PPFIBP2: variants seen among roughly 807,000 people sequenced by gnomAD.
PPFIBP2 encodes liprin-beta-2.
In PPFIBP2, 118 loss-of-function variants were observed where a neutral mutation model predicts 118.3. The ratio of observed to expected loss-of-function variants is 1.00; its 90% CI spans 0.86 to 1.16. The LOEUF (loss-of-function observed/expected upper bound fraction) is 1.16, where lower values mean the gene tolerates loss of function less well. Among genes scored for constraint, PPFIBP2 ranks in the 50% most tolerant of loss-of-function variants. PPFIBP2 has a pLI of 0.00. For synonymous variants in PPFIBP2, 414 were observed against 397.4 expected (o/e 1.04, Z -0.50); for missense variants, 1,195 against 1,073.1 (o/e 1.11, Z -1.59).
At chr11:7,551,362 A>G (rs1852974161) in intron 2 of PPFIBP2, among the ~76,000 whole-genome samples, 1 of 152,112 alleles carries the variant, frequency 6.6e-6, no homozygotes, top group Non-Finnish European at 1.5e-5. Context: ...TGAAAATACT[A>G]TCTTTTCTCT....
At position 7,616,148 on chromosome 11, in the gene PPFIBP2, G is replaced by GCA. The variant is rs1848617573; in HGVS notation, c.619-4780_619-4779dup. 6.6e-6 allele frequency among the ~76,000 whole-genome samples: 1 copy of GCA among 151,652 alleles called. No homozygotes were observed. The highest frequency in any genetic ancestry group is 1.5e-5 in the Non-Finnish European group (1 of 67,944). ...CAAAGCCATACACACACATACACAC[G>GCA]CACACACAAACACCCACACACAGTT... On this transcript the variant is annotated intron_variant, in intron 6 of 23. Transcript: ENST00000299492. This position sits in a 1 kb window ranked among gnomAD's most constrained non-coding sequence, Gnocchi z 5.2.
At chr11:7,641,098 G>A in intron 15 of PPFIBP2, 5 of 1,251,594 alleles carry the variant, frequency 4.0e-6, no homozygotes, top group South Asian at 2.5e-5. Context: ...GGTGGAGAGT[G>A]AGAATGCCTT....
At chr11:7,606,886 ATTTTTTTTTTTTTTTTTTTT>A (rs529585905) in intron 5 of PPFIBP2, among the ~76,000 whole-genome samples, 28 of 51,440 alleles carry the variant, frequency 5.4e-4, no homozygotes, top group East Asian at 1.8e-3. Flanking sequence ...AACTGCATGA[ATTTTTTTTTTTTTTTTTTTT>A]TTTTTTTTTT....
At chr11:7,569,171 AG>A (rs1855368299) in intron 3 of PPFIBP2, 1 of 152,366 alleles carries the variant, frequency 6.6e-6, no homozygotes, top group Non-Finnish European at 1.5e-5. Context: ...TCCTAGTCCT[AG>A]TGCCTCCTAT....
At chr11:7,625,057 A>T (rs1849805542) in intron 7 of PPFIBP2, among the ~76,000 whole-genome samples, 1 of 152,224 alleles carries the variant, frequency 6.6e-6, no homozygotes, top group African/African-American at 2.4e-5. Flanking sequence ...GCGACATGGG[A>T]ACCATCTAGT....
At chr11:7,543,160 A>C (rs940767617) in intron 1 of PPFIBP2, among the ~76,000 whole-genome samples, 1 of 152,200 alleles carries the variant, frequency 6.6e-6, no homozygotes, top group Admixed American at 6.5e-5. Flanking sequence ...GGATGCTCCA[A>C]ATGGCTTCTT....
the PPFIBP2 span, chr11:7,665,346 A>T: frequency 1.1e-5 from 16 of 1,473,676 alleles, no homozygotes; most frequent in Non-Finnish European, 1.4e-5. Flanking sequence ...GAAAAGGGAC[A>T]TGCAAAATTG....
At chr11:7,561,515 C>G (rs920697707) in intron 2 of PPFIBP2, among the ~76,000 whole-genome samples, 2 of 152,006 alleles carry the variant, frequency 1.3e-5, no homozygotes, top group Non-Finnish European at 2.9e-5. Context: ...CAGTTTTGAC[C>G]TATCTTCTCT....
chr11:7,665,992 G>C, the PPFIBP2 span: 12 of 1,301,706 alleles, frequency 9.2e-6, no homozygotes, highest in Non-Finnish European at 1.3e-5. Flanking sequence ...CGCCTGTGGG[G>C]TGCTCTGTGC....
intron 22 of PPFIBP2, 98 bp from the exon 23 acceptor site, chr11:7,651,558 G>C: frequency 8.9e-7 from 1 of 1,120,128 alleles, no homozygotes; most frequent in Non-Finnish European, 1.3e-6. Context: ...CCCTCCTCTG[G>C]AGGCACCCCC....
At chr11:7,576,739 TC>T (rs1856382914) in intron 3 of PPFIBP2, 1 of 152,378 alleles carries the variant, frequency 6.6e-6, no homozygotes, top group African/African-American at 2.4e-5. Flanking sequence ...AGGGCCAGAC[TC>T]CCCTGAGTTT....
intron 3 of PPFIBP2, among the ~76,000 whole-genome samples, chr11:7,575,027 C>T (rs1856116593): frequency 6.6e-6 from 1 of 152,086 alleles, no homozygotes; most frequent in Admixed American, 6.6e-5. Flanking sequence ...CACCTTTGTT[C>T]ATCACACATT....
Position 7,594,933 on chromosome 11 carries a change from A to AAG in PPFIBP2, c.372+1710_372+1711insGA, listed in dbSNP as rs1565023264. ...CTCCATCTCAAAAAAAAAAAAAAAA[A>AAG]AAAAGAAAAAGGAGAGTGTGAATTG... On this transcript the variant is annotated intron_variant, in intron 4 of 23. Transcript: ENST00000299492. 1.4e-4 allele frequency among the ~76,000 whole-genome samples: 21 copies of AAG among 151,748 alleles called. No individual in the cohort carries two copies. The South Asian group carries it at 4.4e-3, about 32-fold the overall frequency.
chr11:7,527,117 C>G (rs144582615), intron 1 of PPFIBP2, among the ~76,000 whole-genome samples: 1 of 151,454 alleles, frequency 6.6e-6, no homozygotes, highest in Non-Finnish European at 1.5e-5. Flanking sequence ...CCTACCATAC[C>G]CTAGGAAGTC....
intron 1 of PPFIBP2, among the ~76,000 whole-genome samples, chr11:7,521,133 GT>G (rs1213372173): frequency 6.6e-6 from 1 of 152,180 alleles, no homozygotes; most frequent in Non-Finnish European, 1.5e-5. Context: ...GTTCTCCCTG[GT>G]TATTCTTACT....
chr11:7,542,174 C>T (rs1405350445), intron 1 of PPFIBP2, among the ~76,000 whole-genome samples: 1 of 152,214 alleles, frequency 6.6e-6, no homozygotes, highest in Non-Finnish European at 1.5e-5. Flanking sequence ...AAATGGTGTG[C>T]ATCCTCAGGC....
At chr11:7,542,703 G>A (rs934991288) in intron 1 of PPFIBP2, among the ~76,000 whole-genome samples, 1 of 152,208 alleles carries the variant, frequency 6.6e-6, no homozygotes, top group African/African-American at 2.4e-5. Context: ...AATTTCATAT[G>A]ACTGAGGAAG....
chr11:7,595,631 TAA>T lies in PPFIBP2; in HGVS notation c.373-1928_373-1927del, dbSNP rs1050811740. On this transcript the variant is annotated intron_variant, in intron 4 of 23. Transcript: ENST00000299492. ...ATGGGCAGACTCCAGGAGTGTCTGT[TAA>T]GTGATCACTGCTGTTCTGCAGTGGA... Among the ~76,000 whole-genome samples, 26 of 152,192 alleles carry T rather than the reference TAA, an allele frequency of 1.7e-4. 1 individual carries two copies. The highest frequency in any genetic ancestry group is 1.7e-3 in the Admixed American group (26 of 15,282).
chr11:7,548,934 C>A (rs1564960880), intron 1 of PPFIBP2, among the ~76,000 whole-genome samples: 1 of 152,146 alleles, frequency 6.6e-6, no homozygotes, highest in Admixed American at 6.5e-5. Flanking sequence ...GCCCTCTCAG[C>A]CTGGCTCACA....
Sources: gnomAD v4.1 joint callset for allele counts (sites outside exome capture counted in the v4.1 genomes callset) on GRCh38, gnomAD v4.1.1 for gene constraint, Gnocchi (gnomAD v3.1) non-coding constraint, MANE v1.5 for transcripts, NCBI Gene and HGNC (gene_info 2026-07-23, HGNC 2026-07-21) for gene names.